NRXN1: variants seen among roughly 807,000 people sequenced by gnomAD.
The protein encoded by NRXN1 is neurexin 1.
In NRXN1, 39 loss-of-function variants were observed where a neutral mutation model predicts 150.9. That is an observed-to-expected ratio of 0.26 (90% CI 0.20 to 0.34). The LOEUF (loss-of-function observed/expected upper bound fraction) is 0.34, where lower values mean the gene tolerates loss of function less well. Among genes scored for constraint, NRXN1 ranks in the 10% least tolerant of loss-of-function variants. NRXN1 has a pLI of 1.00. For missense variants in NRXN1, 1,815 were observed against 1,949.9 expected, an observed-to-expected ratio of 0.93 and a Z score of 1.30; for synonymous variants, 924 against 757.0, an observed-to-expected ratio of 1.22 and a Z score of -3.62.
intron 8 of NRXN1, among the ~76,000 whole-genome samples, chr2:50,614,099 T>C (rs894842327): frequency 2.0e-5 from 3 of 152,024 alleles, no homozygotes; most frequent in East Asian, 1.9e-4. Context: ...GGAAGGTCAA[T>C]GTAAGTAAAT....
chr2:50,963,690 C>T (rs1207006141), intron 2 of NRXN1, among the ~76,000 whole-genome samples: 1 of 151,532 alleles, frequency 6.6e-6, no homozygotes, highest in Non-Finnish European at 1.5e-5. Flanking sequence ...TGATTTTTCC[C>T]TTGAATATAT....
At chr2:50,668,907 T>G (rs990249594) in intron 5 of NRXN1, among the ~76,000 whole-genome samples, 2 of 151,932 alleles carry the variant, frequency 1.3e-5, no homozygotes, top group African/African-American at 4.8e-5. Context: ...CAAACCCAGA[T>G]GCATTGTGAT....
chr2:50,921,805 A>AAAG (rs1270649060), intron 5 of NRXN1, 64 bp downstream of exon 5: 5 of 776,616 alleles, frequency 6.4e-6, no homozygotes, highest in African/African-American at 1.8e-5. Context: ...AAATACATTT[A>AAAG]TGTAACTCAG....
intron 18 of NRXN1, among the ~76,000 whole-genome samples, chr2:50,147,305 G>C (rs2058401303): frequency 6.6e-6 from 1 of 151,694 alleles, no homozygotes; most frequent in African/African-American, 2.4e-5. Flanking sequence ...AGGAGAGAAG[G>C]CATATGCATT....
chr2:50,090,088 T>C (rs997464200), intron 19 of NRXN1, among the ~76,000 whole-genome samples: 2 of 152,194 alleles, frequency 1.3e-5, no homozygotes, highest in African/African-American at 4.8e-5. Flanking sequence ...CCTAACTTTG[T>C]CATAGAGCAG....
chr2:50,822,009 C>G (rs1302183405), intron 5 of NRXN1, among the ~76,000 whole-genome samples: 1 of 152,046 alleles, frequency 6.6e-6, no homozygotes, highest in African/African-American at 2.4e-5. Context: ...GATAGGAAAA[C>G]ATTTTAAACA....
intron 17 of NRXN1, among the ~76,000 whole-genome samples, chr2:50,285,827 G>A (rs775248770): frequency 2.0e-5 from 3 of 151,044 alleles, no homozygotes; most frequent in African/African-American, 7.3e-5. Context: ...TCAATAAACG[G>A]AGTTTCATTT....
intron 18 of NRXN1, among the ~76,000 whole-genome samples, chr2:50,096,966 G>A (rs1700311333): frequency 6.6e-6 from 1 of 152,202 alleles, no homozygotes; most frequent in African/African-American, 2.4e-5. Flanking sequence ...CAAGCAAGAT[G>A]TCTGCATGTT....
chr2:50,988,325 A>C (rs879637518), intron 2 of NRXN1, among the ~76,000 whole-genome samples: 38 of 152,126 alleles, frequency 2.5e-4, no homozygotes, highest in African/African-American at 6.7e-4. Flanking sequence ...TATAGACTTT[A>C]GATGCAAACC....
chr2:50,091,419 T>C lies in NRXN1; in HGVS notation c.3622A>G (p.Asn1208Asp). Residue 1208 changes from asparagine to aspartate, a missense_variant, in exon 19 of 23, where the codon AAT (asparagine) becomes GAT (aspartate). Asn to Asp is a conservative substitution (Grantham distance 23). Transcript: ENST00000401669. ...IAIEESNAII[N>D]DGKYHVVRFT... is the part of the protein sequence containing the mutation. The stretch of plus-strand genomic sequence containing the variant: ...CGAACTACATGGTATTTCCCATCAT[T>C]AATGATTGCATTGGATTCTTCAATG... 6.2e-7 allele frequency: 1 copy of C among 1,614,258 alleles called. No individual in the cohort carries two copies. Among genetic ancestry groups the C allele is most frequent in the Non-Finnish European group, 8.5e-7 (1 of 1,180,046 alleles).
At chr2:50,065,735 A>T (rs1236450059) in intron 19 of NRXN1, among the ~76,000 whole-genome samples, 1 of 152,100 alleles carries the variant, frequency 6.6e-6, no homozygotes, top group Admixed American at 6.6e-5. Flanking sequence ...TGTTCCAGAC[A>T]TTCCTTGTCT....
chr2:50,566,257 T>C (rs1333353099), intron 8 of NRXN1, among the ~76,000 whole-genome samples: 1 of 152,132 alleles, frequency 6.6e-6, no homozygotes, highest in Non-Finnish European at 1.5e-5. Flanking sequence ...TTATTTTTTT[T>C]TAATTGAGAT....
At chr2:50,469,081 G>C (rs1014365861) in intron 16 of NRXN1, among the ~76,000 whole-genome samples, 1 of 151,486 alleles carries the variant, frequency 6.6e-6, no homozygotes, top group Non-Finnish European at 1.5e-5. Flanking sequence ...CCAAAGTATG[G>C]TCTCCAGTAT....
In NRXN1 at chr2:50,230,613, G is replaced by T. The variant is rs185137006; in HGVS notation, c.3546+6176C>A. Among the ~76,000 whole-genome samples the T allele has an allele frequency of 9.2e-5, 14 of 152,170 alleles. No individual in the cohort carries two copies. The East Asian group carries it at 1.6e-3, about 17-fold the overall frequency. On this transcript the variant is annotated intron_variant, in intron 18 of 22. Coordinates refer to ENST00000401669, the MANE Select transcript of NRXN1 (RefSeq NM_001330078.2). ...AAGTGGTAAGTATGTGAACCGAGAA[G>T]AAGCTAGAAATAGCTGTTTTGTTCT...
intron 5 of NRXN1, among the ~76,000 whole-genome samples, chr2:50,765,130 A>G (rs1337732588): frequency 1.3e-5 from 2 of 152,048 alleles, no homozygotes; most frequent in Non-Finnish European, 2.9e-5. Context: ...TTTCCATGAA[A>G]CTAACTTAAC....
chr2:50,923,622 G>C (rs1457375451), intron 3 of NRXN1: 1 of 156,198 alleles, frequency 6.4e-6, no homozygotes, highest in African/African-American at 2.4e-5. Flanking sequence ...ATAATTCCTA[G>C]CTTTTTATTT....
intron 5 of NRXN1, among the ~76,000 whole-genome samples, chr2:50,900,371 T>A (rs1360753163): frequency 6.6e-6 from 1 of 152,196 alleles, no homozygotes; most frequent in Non-Finnish European, 1.5e-5. Context: ...AGGACAGTAG[T>A]TCTAGAACCC....
At chr2:50,746,324 C>G (rs1380094661) in intron 5 of NRXN1, among the ~76,000 whole-genome samples, 2 of 151,932 alleles carry the variant, frequency 1.3e-5, no homozygotes, top group Non-Finnish European at 2.9e-5. Context: ...TTGGGAGACT[C>G]AGGCAGGAGG....
At chr2:50,056,612 G>A (rs931671058) in intron 19 of NRXN1, among the ~76,000 whole-genome samples, 13 of 151,796 alleles carry the variant, frequency 8.6e-5, no homozygotes, top group Admixed American at 2.0e-4. Context: ...TTCCAACCCT[G>A]TCTTCATTTT....
Sources: gnomAD v4.1 joint callset for allele counts (sites outside exome capture counted in the v4.1 genomes callset) on GRCh38, gnomAD v4.1.1 for gene constraint, MANE v1.5 for transcripts, NCBI Gene and HGNC (gene_info 2026-07-23, HGNC 2026-07-21) for gene names.